Variants in EFR3B observed in about 807,000 individuals in gnomAD.
The protein encoded by EFR3B is EFR3 homolog B, also known as protein EFR3 homolog B.
Under a neutral mutation model 104.7 loss-of-function variants are expected in EFR3B, and 64 were observed. The observed-to-expected ratio is 0.61, with a 90% CI of 0.50 to 0.75. The LOEUF is 0.75. EFR3B is among the 30% of genes least tolerant of loss of function. EFR3B has a pLI of 0.00. For missense variants in EFR3B, 750 were observed against 1,078.5 expected (o/e 0.70, Z 4.27); for synonymous variants, 385 against 417.9 (o/e 0.92, Z 0.96).
intron 1 of EFR3B, among the ~76,000 whole-genome samples, chr2:25,060,234 A>G (rs1228841629): frequency 6.6e-6 from 1 of 152,202 alleles, no homozygotes; most frequent in East Asian, 1.9e-4. Flanking sequence ...ATTGAATATT[A>G]TATATATTTT....
intron 1 of EFR3B, among the ~76,000 whole-genome samples, chr2:25,083,269 G>A (rs947812310): frequency 1.3e-5 from 2 of 152,224 alleles, no homozygotes; most frequent in African/African-American, 4.8e-5. Flanking sequence ...GAGAGTGAAA[G>A]AGGACCCGTT....
intron 21 of EFR3B, 45 bp downstream of exon 21, chr2:25,152,065 G>A (rs1293457946): frequency 6.5e-7 from 1 of 1,539,482 alleles, no homozygotes; most frequent in South Asian, 1.2e-5. Flanking sequence ...GCCAAGTCAA[G>A]ACTGAATTTG....
At chr2:25,067,264 A>G (rs557099594) in intron 1 of EFR3B, among the ~76,000 whole-genome samples, 5 of 152,286 alleles carry the variant, frequency 3.3e-5, no homozygotes, top group Admixed American at 2.0e-4. Flanking sequence ...CTACTCGGTG[A>G]CCAGCGTTAA....
intron 12 of EFR3B, among the ~76,000 whole-genome samples, chr2:25,134,162 T>C (rs901047247): frequency 6.8e-6 from 1 of 147,154 alleles, no homozygotes; most frequent in Non-Finnish European, 1.5e-5. Context: ...TATTTCACAG[T>C]AGGTCTCAGT....
chr2:25,108,146 A>T (rs1045802455), intron 4 of EFR3B, among the ~76,000 whole-genome samples: 1 of 152,084 alleles, frequency 6.6e-6, no homozygotes, highest in Non-Finnish European at 1.5e-5. Context: ...AATTTAAGTG[A>T]TGCTTTCCAG....
In EFR3B at chr2:25,042,767, G is replaced by C. The variant is rs1667607102; in HGVS notation, c.7+448G>C. The C allele has an allele frequency of 1.1e-6, 1 of 920,616 alleles. No homozygotes were observed. Among genetic ancestry groups the C allele is most frequent in the Non-Finnish European group, 1.3e-6 (1 of 770,190 alleles). The allele number at this position is 920,616 out of a possible 1,614,324, so 57.0% of individuals were successfully genotyped here. On this transcript the variant is annotated intron_variant, in intron 1 of 22. Coordinates refer to ENST00000403714, the MANE Select transcript of EFR3B (RefSeq NM_014971.2). The surrounding 1 kb of genome is among the most constrained non-coding windows in gnomAD (Gnocchi z 5.4). ...CTCGGAGAAGGCGGGAGGCGGCGCC[G>C]GCGGCGCAGAGGCCCGGGGAGCAGC...
intron 19 of EFR3B, chr2:25,145,670 T>G (rs1670793922): frequency 2.6e-5 from 4 of 152,676 alleles, no homozygotes; most frequent in Admixed American, 2.0e-4. Flanking sequence ...ACTGGAGAGA[T>G]AAGGGTGAGA....
intron 3 of EFR3B, among the ~76,000 whole-genome samples, chr2:25,099,299 G>A (rs1302302082): frequency 6.6e-6 from 1 of 151,968 alleles, no homozygotes; most frequent in Non-Finnish European, 1.5e-5. Flanking sequence ...GTCTCTGAAG[G>A]GCGAGGCTGC....
chr2:25,130,145 T>G lies in EFR3B; in HGVS notation c.770+36T>G. Reference sequence around the variant, plus strand: ...CCACCCACTGCCTTGGCCCCAGCCTTCAGCCTGGATGTGTTTCAGGTCCCT... The same window carrying G: ...CCACCCACTGCCTTGGCCCCAGCCTGCAGCCTGGATGTGTTTCAGGTCCCT... On this transcript the variant is annotated intron_variant, in intron 7 of 22. Transcript: ENST00000403714. This position sits in a 1 kb window ranked among gnomAD's most constrained non-coding sequence, Gnocchi z 4.6. 2 of 1,551,388 alleles carry G rather than the reference T, an allele frequency of 1.3e-6. No individual in the cohort carries two copies. Among genetic ancestry groups the G allele is most frequent in the South Asian group, 1.2e-5 (1 of 84,050 alleles).
intron 6 of EFR3B, among the ~76,000 whole-genome samples, chr2:25,128,551 G>A (rs1251372316): frequency 1.3e-5 from 2 of 152,190 alleles, no homozygotes; most frequent in Non-Finnish European, 2.9e-5. Context: ...GTTACCGAAG[G>A]AGGACAGTGT....
intron 1 of EFR3B, among the ~76,000 whole-genome samples, chr2:25,048,693 A>G (rs1667786140): frequency 2.0e-5 from 3 of 152,386 alleles, no homozygotes; most frequent in South Asian, 2.1e-4. Flanking sequence ...AGGTATGATT[A>G]TATATGAATA....
rs181023522 is a variant in EFR3B at position 25,111,937 on chromosome 2, C to G, written c.363+8150C>G. On this transcript the variant is annotated intron_variant, in intron 4 of 22. Transcript: ENST00000403714. ...TGAGCTCCAGAACTCAGATAATAAG[C>G]GTGTGCTGTTTTAAGCCACTAAATT... Among the ~76,000 whole-genome samples the G allele has an allele frequency of 5.3e-5, 8 of 152,334 alleles. No individual in the cohort carries two copies. The East Asian group carries it at 1.5e-3, about 29-fold the overall frequency.
chr2:25,153,865 C>A, intron 22 of EFR3B, 104 bp downstream of exon 22: 1 of 1,158,660 alleles, frequency 8.6e-7, no homozygotes, highest in Non-Finnish European at 1.3e-6. Flanking sequence ...TCCTCCCCAC[C>A]TCCTTCTACC....
chr2:25,075,150 T>A (rs551208299), intron 1 of EFR3B, among the ~76,000 whole-genome samples: 1 of 152,302 alleles, frequency 6.6e-6, no homozygotes, highest in Admixed American at 6.5e-5. Context: ...CTGGAAATTG[T>A]CCTTTCCTAC....
rs1304974202 is a variant in EFR3B, at chr2:25,151,955, C to T, written c.2233C>T (p.Arg745Trp). 5 of 1,551,546 alleles carry T rather than the reference C, an allele frequency of 3.2e-6. No individual in the cohort carries two copies. The highest frequency in any genetic ancestry group is 2.4e-5 in the East Asian group (1 of 40,936). The change falls in exon 21 of 23, where the codon CGG (arginine) becomes TGG (tryptophan). Residue 745 changes from arginine to tryptophan, a missense_variant. Arg to Trp is a moderately radical substitution (Grantham distance 101). Transcript: ENST00000403714. ...GGAGGAGCAGGAGCGTGAGCGGCGG[C>T]GGCAGGTGGTGGAGAAGTTCCAGAA... The part of the protein sequence containing the change: ...AVEEQERERR[R>W]QVVEKFQKAP...
Position 25,129,963 on chromosome 2 carries a change from C to CT in EFR3B, c.636-11dup. On this transcript the variant is annotated splice_polypyrimidine_tract_variant and intron_variant, in intron 6 of 22. Transcript: ENST00000403714. ...CATGCCACCCTCTACCCATGTGCCT[C>CT]TGTCTCCCCAGCCGGTCTCCCTCAC... 6.4e-7 allele frequency: 1 copy of CT among 1,551,182 alleles called. No homozygotes were observed. Among genetic ancestry groups the CT allele is most frequent in the South Asian group, 1.2e-5 (1 of 84,036 alleles).
chr2:25,111,382 T>C (rs1332536724), intron 4 of EFR3B, among the ~76,000 whole-genome samples: 1 of 151,692 alleles, frequency 6.6e-6, no homozygotes, highest in Non-Finnish European at 1.5e-5. Flanking sequence ...CCTGGGATCG[T>C]GCCCATTTCT....
chr2:25,115,765 G>A (rs1338573875), intron 4 of EFR3B, among the ~76,000 whole-genome samples: 3 of 152,228 alleles, frequency 2.0e-5, no homozygotes, highest in African/African-American at 7.2e-5. Flanking sequence ...GACTGAGGCA[G>A]AGACAACACA....
At chr2:25,119,101 A>G (rs1221498908) in intron 4 of EFR3B, among the ~76,000 whole-genome samples, 3 of 152,154 alleles carry the variant, frequency 2.0e-5, no homozygotes, top group African/African-American at 7.2e-5. Context: ...ATTAAAATTC[A>G]TGCAGTCTTA....
Sources: allele counts gnomAD v4.1 joint callset (sites outside exome capture counted in the v4.1 genomes callset), GRCh38; gene constraint gnomAD v4.1.1; non-coding constraint Gnocchi (gnomAD v3.1); transcripts MANE v1.5; gene names NCBI Gene and HGNC (gene_info 2026-07-23, HGNC 2026-07-21).